FAM149B1: variants seen among roughly 807,000 people sequenced by gnomAD.
FAM149B1 encodes the protein family with sequence similarity 149 member B1.
FAM149B1 carries 56 observed loss-of-function variants against 75.3 expected under a neutral mutation model. That is an observed-to-expected ratio of 0.74 (90% confidence interval 0.60 to 0.93). The LOEUF is 0.93. FAM149B1 is among the 40% of genes least tolerant of loss of function. The probability of loss-of-function intolerance (pLI) is 0.00; values close to 1 mark genes in which losing one functional copy is unlikely to be tolerated. For synonymous variants in FAM149B1, 259 were observed against 256.1 expected (o/e 1.01, Z -0.11); for missense variants, 639 against 708.4 (o/e 0.90, Z 1.11).
intron 13 of FAM149B1, among the ~76,000 whole-genome samples, chr10:73,240,627 A>G (rs2043924191): frequency 6.6e-6 from 1 of 151,038 alleles, no homozygotes; most frequent in Non-Finnish European, 1.5e-5. Flanking sequence ...CAGGAGAATG[A>G]GGTGAACCTG....
chr10:73,173,562 A>G (rs924909335), intron 1 of FAM149B1, among the ~76,000 whole-genome samples: 36 of 152,320 alleles, frequency 2.4e-4, no homozygotes, highest in African/African-American at 8.2e-4. Flanking sequence ...ATGTACCATT[A>G]TATAAATGGC....
chr10:73,174,384 T>C (rs1003667129), intron 1 of FAM149B1, among the ~76,000 whole-genome samples: 3 of 152,340 alleles, frequency 2.0e-5, no homozygotes, highest in Admixed American at 6.5e-5. Context: ...ATATCTACTA[T>C]ATTTTCAACT....
At chr10:73,193,394 T>C in intron 4 of FAM149B1, 83 bp from the exon 5 acceptor site, 2 of 1,388,912 alleles carry the variant, frequency 1.4e-6, no homozygotes, top group South Asian at 2.8e-5. Context: ...TGTTGAGCCA[T>C]CAAATGTGTC....
chr10:73,236,198 G>A (rs1167214423), intron 12 of FAM149B1, among the ~76,000 whole-genome samples: 1 of 150,082 alleles, frequency 6.7e-6, no homozygotes, highest in Non-Finnish European at 1.5e-5. Context: ...GTTTCCTAGG[G>A]CTTAAGAAAT....
intron 5 of FAM149B1, among the ~76,000 whole-genome samples, chr10:73,197,513 T>C (rs2042834187): frequency 6.6e-6 from 1 of 152,126 alleles, no homozygotes; most frequent in African/African-American, 2.4e-5. Context: ...CTCACGCCTG[T>C]AATCCTAGCA....
intron 3 of FAM149B1, among the ~76,000 whole-genome samples, chr10:73,188,981 C>A (rs1177263117): frequency 1.3e-5 from 2 of 151,810 alleles, no homozygotes; most frequent in Non-Finnish European, 2.9e-5. Context: ...ATCATTTGAT[C>A]CCAAGTATTT....
intron 7 of FAM149B1, among the ~76,000 whole-genome samples, chr10:73,224,394 C>A (rs1484225261): frequency 6.6e-6 from 1 of 151,982 alleles, no homozygotes; most frequent in African/African-American, 2.4e-5. Flanking sequence ...ACCCACATGT[C>A]CATCAACAGT....
chr10:73,188,756 G>GGGAGGGAA (rs2042598510), intron 3 of FAM149B1, among the ~76,000 whole-genome samples: 6 of 129,440 alleles, frequency 4.6e-5, no homozygotes, highest in Non-Finnish European at 9.5e-5. Flanking sequence ...GAAGGAAGGA[G>GGGAGGGAA]GGAAGGAAGG....
chr10:73,236,891 T>C (rs1193030070), intron 12 of FAM149B1, among the ~76,000 whole-genome samples: 1 of 151,820 alleles, frequency 6.6e-6, no homozygotes, highest in Non-Finnish European at 1.5e-5. Flanking sequence ...AATTTTTTTA[T>C]TTTGTAGAGA....
chr10:73,181,038 G>A (rs1012866542), intron 3 of FAM149B1, among the ~76,000 whole-genome samples: 17 of 147,418 alleles, frequency 1.2e-4, no homozygotes, highest in Admixed American at 8.8e-4. Flanking sequence ...ACGGAGTGTC[G>A]CATTGTCACC....
At chr10:73,230,615 C>A in intron 9 of FAM149B1, 90 bp downstream of exon 9, 2 of 713,820 alleles carry the variant, frequency 2.8e-6, no homozygotes, top group African/African-American at 1.8e-5. Flanking sequence ...GTATTGAGTG[C>A]CAACCAAGCA....
chr10:73,188,223 T>C (rs1276743057), intron 3 of FAM149B1, among the ~76,000 whole-genome samples: 1 of 152,162 alleles, frequency 6.6e-6, no homozygotes, highest in Non-Finnish European at 1.5e-5. Context: ...GGCAATTCAA[T>C]AGAAAAAGGA....
chr10:73,223,406 A>G (rs2133387605), intron 7 of FAM149B1, among the ~76,000 whole-genome samples: 1 of 152,340 alleles, frequency 6.6e-6, no homozygotes, highest in Middle Eastern at 3.4e-3. Context: ...CCCATTGCTT[A>G]TAGTGTTCCA....
rs1659067006 is a variant in FAM149B1 at position 73,243,934 on chromosome 10, A to T, written c.*2915A>T. 14 of 1,613,618 alleles carry T rather than the reference A, an allele frequency of 8.7e-6. No homozygotes were observed. The highest frequency in any genetic ancestry group is 1.2e-5 in the Non-Finnish European group (14 of 1,179,784). On this transcript the variant is annotated 3_prime_UTR_variant, in exon 14 of 14. Transcript: ENST00000242505. ...TTCTTTGGCCTCTTCCTGAGCCTGA[A>T]ACAGGAACTCACATGAGACTCAGGG...
At chr10:73,226,168 T>C (rs1457400162) in intron 7 of FAM149B1, among the ~76,000 whole-genome samples, 1 of 151,738 alleles carries the variant, frequency 6.6e-6, no homozygotes, top group East Asian at 1.9e-4. Flanking sequence ...AACCCTGCTC[T>C]ACAATGTGAT....
chr10:73,240,512 A>C lies in FAM149B1; in HGVS notation c.1676-434A>C, dbSNP rs199904502. On this transcript the variant is annotated intron_variant, in intron 13 of 13. Coordinates refer to ENST00000242505, the MANE Select transcript of FAM149B1 (RefSeq NM_173348.2). ...CGGATCACGAGGTCAGCATATTGAG[A>C]CCATCCTGGCTAACATGGTGAAACC... Among the ~76,000 whole-genome samples the C allele has an allele frequency of 2.2e-3, 333 of 152,264 alleles. 3 individuals are homozygous for C. The highest frequency in any genetic ancestry group is 7.7e-3 in the African/African-American group (319 of 41,552).
intron 7 of FAM149B1, among the ~76,000 whole-genome samples, chr10:73,225,462 A>G (rs2043518251): frequency 6.6e-6 from 1 of 152,256 alleles, no homozygotes; most frequent in Non-Finnish European, 1.5e-5. Context: ...TAATTAAAAA[A>G]TAGGCAAACC....
At chr10:73,199,410 G>A (rs1024397060) in intron 5 of FAM149B1, among the ~76,000 whole-genome samples, 51 of 151,952 alleles carry the variant, frequency 3.4e-4, no homozygotes, top group African/African-American at 1.2e-3. Flanking sequence ...GTAGAGACGG[G>A]GTTTCACTGT....
chr10:73,177,787 A>G lies in FAM149B1; in HGVS notation c.153-59A>G, dbSNP rs1844035573. On this transcript the variant is annotated intron_variant, in intron 2 of 13. Transcript: ENST00000242505. ...TTGCTGAGTAGTTAATGCCACAGAA[A>G]CTTGAGGACATATGAAAAATTTTCT... 9 of 1,511,376 alleles carry G rather than the reference A, an allele frequency of 6.0e-6. 1 individual carries two copies. The South Asian group carries it at 8.5e-5, about 14-fold the overall frequency. The allele number at this position is 1,511,376 out of a possible 1,614,324, so 93.6% of individuals were successfully genotyped here.
Sources: allele counts gnomAD v4.1 joint callset (sites outside exome capture counted in the v4.1 genomes callset), GRCh38; gene constraint gnomAD v4.1.1; transcripts MANE v1.5; gene names NCBI Gene and HGNC (gene_info 2026-07-23, HGNC 2026-07-21).